Variants in PEX5L observed in about 807,000 individuals in gnomAD.
The protein encoded by PEX5L is PEX5-related protein.
PEX5L carries 30 observed loss-of-function variants against 84.0 expected under a neutral mutation model. The ratio of observed to expected loss-of-function variants is 0.36; its 90% CI spans 0.27 to 0.48. The LOEUF (loss-of-function observed/expected upper bound fraction) is 0.48, where lower values mean the gene tolerates loss of function less well. Among genes scored for constraint, PEX5L ranks in the 20% least tolerant of loss-of-function variants. PEX5L has a pLI of 0.99. For synonymous variants in PEX5L, 270 were observed against 283.1 expected, an observed-to-expected ratio of 0.95 and a Z score of 0.46; for missense variants, 533 against 754.6, an observed-to-expected ratio of 0.71 and a Z score of 3.44.
At chr3:179,845,833 A>C (rs1257590438) in intron 8 of PEX5L, among the ~76,000 whole-genome samples, 1 of 152,166 alleles carries the variant, frequency 6.6e-6, no homozygotes, top group African/African-American at 2.4e-5. Flanking sequence ...ATTTCACAGG[A>C]CACTACCAGG....
intron 9 of PEX5L, among the ~76,000 whole-genome samples, chr3:179,816,415 G>T (rs1362211925): frequency 6.6e-6 from 1 of 152,162 alleles, no homozygotes; most frequent in Non-Finnish European, 1.5e-5. Flanking sequence ...GCCATAAAAA[G>T]GATGAGTTCA....
rs1220645577 is a variant in PEX5L at position 179,797,678 on chromosome 3, A to G, written c.*4150T>C. ...TTTAATTTCAACCAGTTCTATAACT[A>G]TTGAGATGATGATAGGGAAACTGCA... On this transcript the variant is annotated 3_prime_UTR_variant, in exon 15 of 15. Coordinates refer to ENST00000467460, the MANE Select transcript of PEX5L (RefSeq NM_016559.3). 2 of 149,926 alleles carry G rather than the reference A, an allele frequency of 1.3e-5. No homozygotes were observed. The highest frequency in any genetic ancestry group is 2.4e-5 in the African/African-American group (1 of 40,942). 9.3% of individuals were successfully genotyped at this position (149,926 alleles called of 1,614,324 possible).
intron 1 of PEX5L, among the ~76,000 whole-genome samples, chr3:180,028,458 C>T (rs773127240): frequency 1.3e-5 from 2 of 152,072 alleles, no homozygotes; most frequent in Non-Finnish European, 2.9e-5. Flanking sequence ...AACTGAAAAG[C>T]AGAAAAATAT....
chr3:179,985,584 T>C (rs1786737276), intron 1 of PEX5L, among the ~76,000 whole-genome samples: 1 of 151,980 alleles, frequency 6.6e-6, no homozygotes, highest in Non-Finnish European at 1.5e-5. Context: ...ACTTCTTCCC[T>C]GTCCTGAGCT....
rs1175325418 is a variant in PEX5L, at chr3:179,799,319, C to T, written c.*2509G>A. On this transcript the variant is annotated 3_prime_UTR_variant, in exon 15 of 15. Transcript: ENST00000467460. ...TGGGCCGTAATTCTGGACTTCTTGA[C>T]AGCCTATAAAAATCTTAGATCTGAC... The T allele has an allele frequency of 1.3e-5, 2 of 152,166 alleles. No homozygotes were observed. The highest frequency in any genetic ancestry group is 4.8e-5 in the African/African-American group (2 of 41,438). The allele number at this position is 152,166 out of a possible 1,614,324, so 9.4% of individuals were successfully genotyped here.
intron 13 of PEX5L, 40 bp downstream of exon 13, chr3:179,808,232 A>C: frequency 2.0e-6 from 3 of 1,490,722 alleles, no homozygotes; most frequent in Non-Finnish European, 2.7e-6. Flanking sequence ...TATTTGTTAC[A>C]GAGAACGCTG....
intron 8 of PEX5L, among the ~76,000 whole-genome samples, chr3:179,852,208 T>C (rs1742170802): frequency 6.6e-6 from 1 of 152,152 alleles, no homozygotes; most frequent in African/African-American, 2.4e-5. Context: ...CCTGCAGTCA[T>C]CCCAAGGTAG....
At chr3:179,971,228 T>C (rs1463133341) in intron 2 of PEX5L, among the ~76,000 whole-genome samples, 2 of 152,170 alleles carry the variant, frequency 1.3e-5, no homozygotes, top group Admixed American at 6.6e-5. Context: ...TTTTACAAGA[T>C]AGAATAATGG....
At position 179,809,576 on chromosome 3, in the gene PEX5L, G is replaced by T; in HGVS notation, c.1247C>A (p.Ala416Asp). The change falls in exon 12 of 15, where the codon GCT (alanine) becomes GAT (aspartate). Residue 416 changes from alanine to aspartate, a missense_variant. Transcript: ENST00000467460. ...ATTTTGCTTAATCCAATTCTTCAGA[G>T]CGTCACAGGCATCCTGCTGATGGCC... ...NTGHQQDACDALKNWIKQNPK... is the reference protein window; with the variant it reads ...NTGHQQDACDDLKNWIKQNPK... 2 of 1,613,702 alleles carry T rather than the reference G, an allele frequency of 1.2e-6. No individual in the cohort carries two copies. Among genetic ancestry groups the T allele is most frequent in the Non-Finnish European group, 1.7e-6 (2 of 1,179,776 alleles).
rs909940791 is a variant in PEX5L at position 179,816,928 on chromosome 3, T to A, written c.940-924A>T. Among the ~76,000 whole-genome samples, 8 of 152,086 alleles carry A rather than the reference T, an allele frequency of 5.3e-5. No individual in the cohort carries two copies. The East Asian group carries it at 1.5e-3, about 29-fold the overall frequency. Reference sequence around the variant, plus strand: ...AGATACGACCACTAATATTTTTGAGTTTGCTTTCTTCTGATATTTTTTGTT... The same window carrying A: ...AGATACGACCACTAATATTTTTGAGATTGCTTTCTTCTGATATTTTTTGTT... On this transcript the variant is annotated intron_variant, in intron 9 of 14. Transcript: ENST00000467460.
intron 2 of PEX5L, among the ~76,000 whole-genome samples, chr3:179,926,683 G>A (rs978989416): frequency 8.5e-5 from 13 of 152,218 alleles, no homozygotes; most frequent in Admixed American, 2.6e-4. Flanking sequence ...CAACTAGAAT[G>A]AGGCTGTTCA....
At chr3:179,827,924 C>G (rs1366200769) in intron 8 of PEX5L, among the ~76,000 whole-genome samples, 2 of 152,192 alleles carry the variant, frequency 1.3e-5, no homozygotes, top group African/African-American at 2.4e-5. Flanking sequence ...GTTTCCATAT[C>G]TGTCCTTGTG....
chr3:179,938,396 C>A (rs1227425469), intron 2 of PEX5L, among the ~76,000 whole-genome samples: 1 of 152,164 alleles, frequency 6.6e-6, no homozygotes, highest in Non-Finnish European at 1.5e-5. Context: ...TGCATCTGCA[C>A]AAAAGGCCTT....
intron 1 of PEX5L, among the ~76,000 whole-genome samples, chr3:179,981,898 G>A (rs561544531): frequency 2.0e-5 from 3 of 152,122 alleles, no homozygotes; most frequent in East Asian, 3.9e-4. Context: ...TGTTTTTTTG[G>A]ACAGCAACAA....
chr3:179,892,104 A>C (rs1433148580), intron 3 of PEX5L, among the ~76,000 whole-genome samples: 1 of 152,160 alleles, frequency 6.6e-6, no homozygotes, highest in Non-Finnish European at 1.5e-5. Context: ...AACTGAGGTG[A>C]ACTGATTGCA....
chr3:179,844,058 G>C (rs759869338), intron 8 of PEX5L, among the ~76,000 whole-genome samples: 10 of 152,206 alleles, frequency 6.6e-5, no homozygotes, highest in Non-Finnish European at 1.3e-4. Context: ...CTGAGAAGCT[G>C]CATCTGCTTC....
intron 7 of PEX5L, among the ~76,000 whole-genome samples, chr3:179,860,333 C>G (rs1022117367): frequency 6.6e-6 from 1 of 152,170 alleles, no homozygotes; most frequent in Admixed American, 6.5e-5. Context: ...TGAATTTCCC[C>G]GGTCCCTTTT....
At chr3:179,870,623 A>T (rs902541224) in intron 7 of PEX5L, among the ~76,000 whole-genome samples, 1 of 152,140 alleles carries the variant, frequency 6.6e-6, no homozygotes, top group African/African-American at 2.4e-5. Flanking sequence ...CCTAAAAATA[A>T]TTTACTCTTC....
chr3:179,794,975 A>G lies in PEX5L; in HGVS notation c.*6853T>C, dbSNP rs1042628957. On this transcript the variant is annotated 3_prime_UTR_variant, in exon 15 of 15. Transcript: ENST00000467460. ...AACTGAAATTTATTTTAATATTTTT[A>G]TTCTAAAAAGAATCACAAAATTCAA... 8 of 152,218 alleles carry G rather than the reference A, an allele frequency of 5.3e-5. No homozygotes were observed. Among genetic ancestry groups the G allele is most frequent in the Non-Finnish European group, 1.2e-4 (8 of 68,036 alleles). 9.4% of individuals were successfully genotyped at this position (152,218 alleles called of 1,614,324 possible).
Sources: allele counts gnomAD v4.1 joint callset (sites outside exome capture counted in the v4.1 genomes callset), GRCh38; gene constraint gnomAD v4.1.1; transcripts MANE v1.5; gene names NCBI Gene and HGNC (gene_info 2026-07-23, HGNC 2026-07-21).